Variants in SYNDIG1L observed in about 807,000 individuals in gnomAD.
SYNDIG1L encodes the protein synapse differentiation inducing 1 like, also known as synapse differentiation-inducing gene protein 1-like.
A neutral mutation model predicts 20.1 loss-of-function variants in SYNDIG1L; 13 were observed. The observed-to-expected ratio is 0.65, with a 90% CI of 0.42 to 1.03. SYNDIG1L has a LOEUF of 1.03. SYNDIG1L is among the 50% of genes least tolerant of loss of function. SYNDIG1L has a pLI of 0.00. For synonymous variants in SYNDIG1L, 128 were observed against 129.3 expected (o/e 0.99, Z 0.07); for missense variants, 294 against 305.1 (o/e 0.96, Z 0.27).
chr14:74,470,782 A>G, the SYNDIG1L span, among the ~76,000 whole-genome samples: 2 of 152,222 alleles, frequency 1.3e-5, no homozygotes, highest in African/African-American at 4.8e-5. Flanking sequence ...AGGAGAGAAG[A>G]GAAAGGACCC....
At chr14:74,464,516 G>C in the SYNDIG1L span, among the ~76,000 whole-genome samples, 411 of 152,276 alleles carry the variant, frequency 2.7e-3, 5 homozygotes, top group African/African-American at 9.5e-3. Context: ...TTGACCTAGG[G>C]AACAAATGCA....
the SYNDIG1L span, among the ~76,000 whole-genome samples, chr14:74,443,940 C>G: frequency 6.6e-6 from 1 of 152,230 alleles, no homozygotes; most frequent in Non-Finnish European, 1.5e-5. Flanking sequence ...CATTCATCAA[C>G]TACTTCAACT....
At chr14:74,448,159 T>C in the SYNDIG1L span, among the ~76,000 whole-genome samples, 2 of 152,082 alleles carry the variant, frequency 1.3e-5, no homozygotes, top group East Asian at 3.9e-4. Context: ...CCTAACTATA[T>C]CATAATCATA....
intron 1 of SYNDIG1L, among the ~76,000 whole-genome samples, chr14:74,410,971 G>A (rs908227993): frequency 6.6e-6 from 1 of 152,094 alleles, no homozygotes; most frequent in African/African-American, 2.4e-5. Flanking sequence ...GCTGCTTTGA[G>A]CACCTACTGA....
chr14:74,469,077 G>A, the SYNDIG1L span, among the ~76,000 whole-genome samples: 2 of 152,038 alleles, frequency 1.3e-5, no homozygotes, highest in Non-Finnish European at 2.9e-5. Context: ...GAGGTTATAT[G>A]GGCTGCAGAC....
intron 1 of SYNDIG1L, among the ~76,000 whole-genome samples, chr14:74,418,915 A>G (rs1185670646): frequency 6.6e-6 from 1 of 152,228 alleles, no homozygotes; most frequent in Non-Finnish European, 1.5e-5. Flanking sequence ...GAATGATCAC[A>G]TAGCTAAACC....
the SYNDIG1L span, among the ~76,000 whole-genome samples, chr14:74,471,491 G>T: frequency 1.3e-5 from 2 of 151,982 alleles, no homozygotes; most frequent in African/African-American, 4.8e-5. Flanking sequence ...TCAGCTACTT[G>T]GGGGACTGAG....
chr14:74,422,744 C>T (rs1437600646), intron 1 of SYNDIG1L, among the ~76,000 whole-genome samples: 1 of 141,242 alleles, frequency 7.1e-6, no homozygotes, highest in Non-Finnish European at 1.5e-5. Context: ...GACAGGGTCT[C>T]CCTCTATCAC....
intron 1 of SYNDIG1L, among the ~76,000 whole-genome samples, chr14:74,414,188 GGACC>G (rs2086156514): frequency 6.6e-6 from 1 of 152,238 alleles, no homozygotes; most frequent in Admixed American, 6.5e-5. Context: ...GGTTACCTGA[GGACC>G]TACGGGTGAG....
At chr14:74,456,150 A>G in the SYNDIG1L span, among the ~76,000 whole-genome samples, 1 of 152,182 alleles carries the variant, frequency 6.6e-6, no homozygotes, top group East Asian at 1.9e-4. Flanking sequence ...TCTTGCTGCC[A>G]GCAGCTGTGT....
chr14:74,462,066 C>T, the SYNDIG1L span, among the ~76,000 whole-genome samples: 243 of 126,006 alleles, frequency 1.9e-3, no homozygotes, highest in Non-Finnish European at 3.1e-3. Context: ...AGCCTGGGGA[C>T]AGAGTGAGAC....
At chr14:74,448,386 A>G in the SYNDIG1L span, among the ~76,000 whole-genome samples, 17 of 152,196 alleles carry the variant, frequency 1.1e-4, no homozygotes, top group Non-Finnish European at 2.1e-4. Flanking sequence ...AGAGCAAAGA[A>G]TATTACCAGA....
chr14:74,445,937 C>T, the SYNDIG1L span, among the ~76,000 whole-genome samples: 1 of 151,908 alleles, frequency 6.6e-6, no homozygotes, highest in African/African-American at 2.4e-5. Context: ...AAATAATAAC[C>T]CTATGAGGTA....
the SYNDIG1L span, among the ~76,000 whole-genome samples, chr14:74,447,679 T>A: frequency 1.3e-5 from 2 of 152,042 alleles, no homozygotes; most frequent in Non-Finnish European, 2.9e-5. Context: ...CAACAATTGA[T>A]AAATTAAGCT....
chr14:74,448,463 T>C, the SYNDIG1L span, among the ~76,000 whole-genome samples: 2 of 152,176 alleles, frequency 1.3e-5, no homozygotes, highest in Non-Finnish European at 2.9e-5. Flanking sequence ...TATACAGTTA[T>C]ATACCTAATA....
chr14:74,423,927 C>T (rs1259303249), intron 1 of SYNDIG1L, among the ~76,000 whole-genome samples: 1 of 151,990 alleles, frequency 6.6e-6, no homozygotes, highest in Non-Finnish European at 1.5e-5. Flanking sequence ...GGCCTCTGGG[C>T]TTGGAGGCAG....
chr14:74,454,410 C>T, the SYNDIG1L span, among the ~76,000 whole-genome samples: 6 of 152,208 alleles, frequency 3.9e-5, no homozygotes, highest in East Asian at 5.8e-4. Flanking sequence ...AGGTCTGTCC[C>T]GCAGACCCTG....
chr14:74,456,388 G>C, the SYNDIG1L span, among the ~76,000 whole-genome samples: 1 of 152,080 alleles, frequency 6.6e-6, no homozygotes, highest in African/African-American at 2.4e-5. Context: ...AAATTTGCCG[G>C]GCCTGGTGGT....
At chr14:74,457,859 G>A in the SYNDIG1L span, among the ~76,000 whole-genome samples, 4 of 152,162 alleles carry the variant, frequency 2.6e-5, no homozygotes, top group East Asian at 1.9e-4. Flanking sequence ...CTGCAGTGGT[G>A]CGGTCACAAC....
Sources: gnomAD v4.1 joint callset for allele counts (sites outside exome capture counted in the v4.1 genomes callset) on GRCh38, gnomAD v4.1.1 for gene constraint, MANE v1.5 for transcripts, NCBI Gene and HGNC (gene_info 2026-07-23, HGNC 2026-07-21) for gene names.